The following THRAP3 variants were observed in gnomAD, a reference collection of about 807,000 sequenced individuals.
THRAP3 encodes thyroid hormone receptor associated protein 3.
A neutral mutation model predicts 101.0 loss-of-function variants in THRAP3; 16 were observed. The ratio of observed to expected loss-of-function variants is 0.16; its 90% CI spans 0.11 to 0.24. The LOEUF is 0.24. THRAP3 is among the 10% of genes least tolerant of loss of function. The pLI is 1.00. For missense variants in THRAP3, 989 were observed against 1,202.7 expected (o/e 0.82, Z 2.63); for synonymous variants, 407 against 422.6 (o/e 0.96, Z 0.45).
chr1:36,255,625 T>C (rs1301645435), intron 1 of THRAP3, among the ~76,000 whole-genome samples: 1 of 149,960 alleles, frequency 6.7e-6, no homozygotes, highest in Non-Finnish European at 1.5e-5. Flanking sequence ...AAAAAAAAAA[T>C]AGCTGGGTGT....
intron 1 of THRAP3, among the ~76,000 whole-genome samples, chr1:36,250,400 G>T (rs1175593188): frequency 1.3e-5 from 2 of 151,808 alleles, no homozygotes; most frequent in Non-Finnish European, 2.9e-5. Flanking sequence ...TTTTAGTAGA[G>T]ACCAGGTTTC....
chr1:36,248,339 G>T (rs1442790079), intron 1 of THRAP3, among the ~76,000 whole-genome samples: 2 of 151,744 alleles, frequency 1.3e-5, no homozygotes, highest in South Asian at 4.2e-4. Context: ...GGGGGTCTTG[G>T]TTTGTTGTCC....
intron 1 of THRAP3, among the ~76,000 whole-genome samples, chr1:36,241,416 TATATATATATATAC>T (rs1557811421): frequency 1.7e-4 from 21 of 122,240 alleles, no homozygotes; most frequent in East Asian, 1.2e-3. Context: ...TATATATATA[TATATATATATATAC>T]ACATATATAA....
intron 1 of THRAP3, among the ~76,000 whole-genome samples, chr1:36,245,976 G>A (rs547381983): frequency 1.3e-5 from 2 of 152,222 alleles, no homozygotes; most frequent in African/African-American, 2.4e-5. Flanking sequence ...TACATTCCAT[G>A]TATTAACCAT....
chr1:36,276,083 T>A (rs1040066713), intron 2 of THRAP3, among the ~76,000 whole-genome samples: 5 of 152,076 alleles, frequency 3.3e-5, no homozygotes, highest in Admixed American at 6.6e-5. Flanking sequence ...ATCATAGACC[T>A]ACATAGTGCT....
the THRAP3 span, among the ~76,000 whole-genome samples, chr1:36,212,753 C>T: frequency 7.9e-5 from 12 of 152,156 alleles, no homozygotes; most frequent in Admixed American, 7.9e-4. Flanking sequence ...CAGAGTGCTG[C>T]TACCAGAAGA....
At position 36,243,684 on chromosome 1, in the gene THRAP3, T is replaced by A. The variant is rs1645192716; in HGVS notation, c.-134-15698T>A. 1.3e-5 allele frequency among the ~76,000 whole-genome samples: 2 copies of A among 152,198 alleles called. 1 individual carries two copies. The highest frequency in any genetic ancestry group is 2.9e-5 in the Non-Finnish European group (2 of 68,022). Reference sequence around the variant, plus strand: ...CTATTCCACAAAACCGCCATTGTCATCATGGCCCGTTCTCAATGAGCCGCT... The same window carrying A: ...CTATTCCACAAAACCGCCATTGTCAACATGGCCCGTTCTCAATGAGCCGCT... On this transcript the variant is annotated intron_variant, in intron 1 of 11. Transcript: ENST00000354618.
intron 1 of THRAP3, among the ~76,000 whole-genome samples, chr1:36,241,428 T>TACAC (rs1553192383): frequency 2.2e-4 from 30 of 137,846 alleles, no homozygotes; most frequent in African/African-American, 6.9e-4. Context: ...TATATATATA[T>TACAC]ACACATATAT....
chr1:36,221,935 G>A (rs1193196254), upstream of THRAP3, among the ~76,000 whole-genome samples: 1 of 151,668 alleles, frequency 6.6e-6, no homozygotes, highest in Non-Finnish European at 1.5e-5. Context: ...TCAGCTTTCT[G>A]AATAGCTGGG....
At chr1:36,261,891 T>TA (rs1645450626) in intron 2 of THRAP3, among the ~76,000 whole-genome samples, 1 of 152,170 alleles carries the variant, frequency 6.6e-6, no homozygotes, top group African/African-American at 2.4e-5. Context: ...TGTGGAGAGT[T>TA]ACTGCAACAG....
the THRAP3 span, among the ~76,000 whole-genome samples, chr1:36,208,424 G>A: frequency 6.6e-6 from 1 of 151,764 alleles, no homozygotes; most frequent in Non-Finnish European, 1.5e-5. Context: ...GTGCTTTTCC[G>A]GCTGTTTGAC....
In THRAP3 at chr1:36,263,174, A is replaced by G. The variant is rs368515540; in HGVS notation, c.-32+3690A>G. 2.7e-3 allele frequency among the ~76,000 whole-genome samples: 380 copies of G among 143,040 alleles called. 4 individuals are homozygous for G. Among genetic ancestry groups the G allele is most frequent in the Admixed American group, 6.3e-3 (82 of 13,060 alleles). 93.8% of individuals were successfully genotyped at this position (143,040 alleles called of 152,430 possible). A position where few individuals can be genotyped will look rare whatever the true frequency, so the allele number is the denominator to read the frequency against. Reference sequence around the variant, plus strand: ...GAGTGCAGTGGCTTGATCACGGCTCACTGCAACCTTGACCTCCCAGGCTCA... The same window carrying G: ...GAGTGCAGTGGCTTGATCACGGCTCGCTGCAACCTTGACCTCCCAGGCTCA... On this transcript the variant is annotated intron_variant, in intron 2 of 11. Transcript: ENST00000354618.
chr1:36,245,739 A>G (rs1430540267), intron 1 of THRAP3, among the ~76,000 whole-genome samples: 1 of 152,182 alleles, frequency 6.6e-6, no homozygotes, highest in Non-Finnish European at 1.5e-5. Context: ...TCCCCTGGGT[A>G]AATGTGTCTC....
At chr1:36,296,238 T>A (rs1169322740) in intron 8 of THRAP3, among the ~76,000 whole-genome samples, 4 of 152,068 alleles carry the variant, frequency 2.6e-5, no homozygotes, top group Non-Finnish European at 5.9e-5. Context: ...CCTCCCAAAG[T>A]TCTGGGATTA....
At chr1:36,289,839 C>T in intron 5 of THRAP3, 75 bp downstream of exon 5, 2 of 1,504,002 alleles carry the variant, frequency 1.3e-6, no homozygotes, top group South Asian at 1.4e-5. Flanking sequence ...TCCCTGGGGA[C>T]ATTCTGCTGT....
rs1425722390 is a variant in THRAP3, at chr1:36,287,223, T to C, written c.993T>C (p.Ser331=). Residue 331 remains serine (S), a synonymous_variant, in exon 4 of 12, where the codon TCT becomes TCC. Transcript: ENST00000354618. ...CCACTGGCTCCACATATGGCTCATC[T>C]CAGAAGGAGGAGAGTGCTGCTTCAG... The part of the protein sequence containing the change: ...PPSTGSTYGS[S]QKEESAASGG... 4.3e-6 allele frequency: 7 copies of C among 1,613,902 alleles called. No individual in the cohort carries two copies. The South Asian group carries it at 7.7e-5, about 18-fold the overall frequency.
At chr1:36,251,198 A>G (rs967643387) in intron 1 of THRAP3, among the ~76,000 whole-genome samples, 1 of 152,190 alleles carries the variant, frequency 6.6e-6, no homozygotes, top group Non-Finnish European at 1.5e-5. Context: ...ACTGGTTTTC[A>G]AGGAAATAGA....
At chr1:36,239,345 C>T (rs1335694959) in intron 1 of THRAP3, among the ~76,000 whole-genome samples, 4 of 151,570 alleles carry the variant, frequency 2.6e-5, no homozygotes, top group African/African-American at 4.9e-5. Flanking sequence ...CTACAACCTC[C>T]GCCGCCCCTG....
In THRAP3 at chr1:36,304,031, C is replaced by T. The variant is rs773411849; in HGVS notation, c.*14C>T. 28 of 1,497,974 alleles carry T rather than the reference C, an allele frequency of 1.9e-5. No individual in the cohort carries two copies. In the African/African-American group the frequency reaches 2.8e-4, roughly 15 times the overall value. 92.8% of individuals were successfully genotyped at this position (1,497,974 alleles called of 1,614,324 possible). On this transcript the variant is annotated 3_prime_UTR_variant, in exon 12 of 12. Transcript: ENST00000354618. ...ACAACCGAGTAGGGGCCACCCTTGA[C>T]GGGATTCCTGCCCAGGGGAGAGAGG...
Sources: allele counts gnomAD v4.1 joint callset (sites outside exome capture counted in the v4.1 genomes callset), GRCh38; gene constraint gnomAD v4.1.1; transcripts MANE v1.5; gene names NCBI Gene and HGNC (gene_info 2026-07-23, HGNC 2026-07-21).